Variants in ARHGAP6 observed in about 807,000 individuals in gnomAD.
ARHGAP6 encodes the protein rho GTPase-activating protein 6.
In ARHGAP6, 16 loss-of-function variants were observed where a neutral mutation model predicts 55.7. The observed-to-expected ratio is 0.29, with a 90% CI of 0.19 to 0.44. The LOEUF (loss-of-function observed/expected upper bound fraction) is 0.44, where lower values mean the gene tolerates loss of function less well. ARHGAP6 is among the 20% of genes least tolerant of loss of function. The pLI is 1.00. For missense variants in ARHGAP6, 698 were observed against 808.9 expected (o/e 0.86, Z 1.66); for synonymous variants, 382 against 360.9 (o/e 1.06, Z -0.66).
At chrX:11,575,923 G>A (rs5933901) in intron 1 of ARHGAP6, among the ~76,000 whole-genome samples, 2,192 of 112,292 alleles carry the variant, frequency 0.02, 23 homozygotes, top group Non-Finnish European at 0.029. Context: ...ATGATTTTAT[G>A]AAGTGACAGA....
At chrX:11,323,081 A>G (rs1004654111) in intron 1 of ARHGAP6, among the ~76,000 whole-genome samples, 10 of 112,461 alleles carry the variant, frequency 8.9e-5, no homozygotes, top group African/African-American at 2.6e-4. Context: ...TGTAACAATT[A>G]TTCAGGAATG....
chrX:11,301,489 G>C (rs2048174932), intron 1 of ARHGAP6, among the ~76,000 whole-genome samples: 1 of 111,537 alleles, frequency 9.0e-6, no homozygotes, highest in African/African-American at 3.3e-5. Context: ...TCTTTGCAGG[G>C]TTTATATTAC....
intron 10 of ARHGAP6, chrX:11,144,968 T>A (rs1050849520): frequency 8.9e-6 from 1 of 112,806 alleles, no homozygotes; most frequent in East Asian, 2.8e-4. Flanking sequence ...TTATCATAGT[T>A]CTGTGTTCAT....
chrX:11,357,070 T>C (rs149484685), intron 1 of ARHGAP6, among the ~76,000 whole-genome samples: 1,578 of 111,560 alleles, frequency 0.014, 43 homozygotes, highest in East Asian at 0.13. Flanking sequence ...CCTTAATCCA[T>C]TGAAACCTTT....
chrX:11,289,127 A>G (rs1443728729), intron 1 of ARHGAP6, among the ~76,000 whole-genome samples: 1 of 112,227 alleles, frequency 8.9e-6, no homozygotes, highest in African/African-American at 3.2e-5. Flanking sequence ...GACTTTTCAA[A>G]TTACAAGCTG....
At chrX:11,338,777 G>A (rs5935009) in intron 1 of ARHGAP6, among the ~76,000 whole-genome samples, 6,503 of 111,950 alleles carry the variant, frequency 0.058, 205 homozygotes, top group African/African-American at 0.12. Flanking sequence ...ATAAAGCTGA[G>A]GGGCGACTAT....
intron 1 of ARHGAP6, among the ~76,000 whole-genome samples, chrX:11,341,560 T>C (rs2048706523): frequency 8.9e-6 from 1 of 112,144 alleles, no homozygotes; most frequent in Non-Finnish European, 1.9e-5. Flanking sequence ...TGTGGGTTGA[T>C]TTCATAATAG....
At chrX:11,521,055 T>G (rs2050919602) in intron 1 of ARHGAP6, among the ~76,000 whole-genome samples, 1 of 112,116 alleles carries the variant, frequency 8.9e-6, no homozygotes, top group South Asian at 3.7e-4. Flanking sequence ...ATTCTGGATA[T>G]TAGCCCTTTG....
At chrX:11,217,830 G>GT (rs2046904405) in intron 2 of ARHGAP6, among the ~76,000 whole-genome samples, 1 of 111,860 alleles carries the variant, frequency 8.9e-6, no homozygotes, top group Non-Finnish European at 1.9e-5. Context: ...TTCTTCTAGG[G>GT]TTTTTAAGGT....
At position 11,139,412 on chromosome X, in the gene ARHGAP6, G is replaced by A. The variant is rs1394308164; in HGVS notation, c.2376C>T (p.Ser792=). The change falls in exon 13 of 13, where the codon AGC becomes AGT. Residue 792 remains serine, a synonymous_variant. Coordinates refer to ENST00000337414, the MANE Select transcript of ARHGAP6 (RefSeq NM_013427.3). ...GAGTCCTCCGAGCCCCCTGCGTGTCGCTGTCCAGCTCTGCGGGGCTCCCCT... is the reference window on the plus strand; with the variant it reads ...GAGTCCTCCGAGCCCCCTGCGTGTCACTGTCCAGCTCTGCGGGGCTCCCCT... ...RWQGSPAELD[S]DTQGARRTQA... is the part of the protein sequence containing the mutation. 8.4e-7 allele frequency: 1 copy of A among 1,189,626 alleles called. No homozygotes were observed. Among genetic ancestry groups the A allele is most frequent in the Admixed American group, 2.4e-5 (1 of 41,931 alleles).
At chrX:11,400,161 A>G (rs2049529842) in intron 1 of ARHGAP6, among the ~76,000 whole-genome samples, 1 of 111,955 alleles carries the variant, frequency 8.9e-6, no homozygotes, top group African/African-American at 3.2e-5. Flanking sequence ...TAAATGCACA[A>G]TTCTGTGAAT....
In ARHGAP6 at chrX:11,665,459, T is replaced by C. The variant is rs1481575477; in HGVS notation, c.-631A>G. ...GCCTCCGCTGGGCTGCTGCGCCCAC[T>C]CTTCCGACTGCAGAGGCTCAAGGGT... is the stretch of plus-strand genomic sequence containing the variant. On this transcript the variant is annotated 5_prime_UTR_variant, in exon 1 of 13. Coordinates refer to ENST00000337414, the MANE Select transcript of ARHGAP6 (RefSeq NM_013427.3). 1.8e-5 allele frequency: 2 copies of C among 113,633 alleles called. No individual in the cohort carries two copies. The highest frequency in any genetic ancestry group is 6.4e-5 in the African/African-American group (2 of 31,292). 9.4% of individuals were successfully genotyped at this position (113,633 alleles called of 1,213,427 possible).
chrX:11,619,922 C>T (rs1209383971), intron 1 of ARHGAP6, among the ~76,000 whole-genome samples: 2 of 111,962 alleles, frequency 1.8e-5, no homozygotes, highest in African/African-American at 3.2e-5. Flanking sequence ...CCTCCTGCTG[C>T]CCTCCTCTCC....
intron 1 of ARHGAP6, among the ~76,000 whole-genome samples, chrX:11,625,301 G>GTA (rs2052283272): frequency 9.6e-6 from 1 of 103,871 alleles, no homozygotes. Flanking sequence ...GTGTGTGTGT[G>GTA]TGTGTGTGTA....
intron 1 of ARHGAP6, among the ~76,000 whole-genome samples, chrX:11,549,086 T>C (rs891159551): frequency 8.9e-6 from 1 of 112,086 alleles, no homozygotes; most frequent in African/African-American, 3.2e-5. Context: ...CATTAAGACG[T>C]TAGGCCTAAA....
chrX:11,646,347 G>A (rs762490234), intron 1 of ARHGAP6, among the ~76,000 whole-genome samples: 16 of 111,520 alleles, frequency 1.4e-4, no homozygotes, highest in African/African-American at 4.9e-4. Context: ...CAGCATGAGA[G>A]ACAAGGGCCA....
At chrX:11,345,850 T>A (rs188439528) in intron 1 of ARHGAP6, among the ~76,000 whole-genome samples, 127 of 111,939 alleles carry the variant, frequency 1.1e-3, no homozygotes, top group African/African-American at 4.0e-3. Context: ...CTGCTTCTAC[T>A]CTCCCTAATG....
chrX:11,324,975 C>T (rs1238699636), intron 1 of ARHGAP6, among the ~76,000 whole-genome samples: 1 of 111,564 alleles, frequency 9.0e-6, no homozygotes, highest in Non-Finnish European at 1.9e-5. Flanking sequence ...TCTCCTGCCT[C>T]AGCCTCCCGA....
At chrX:11,347,257 AG>A (rs1272849468) in intron 1 of ARHGAP6, among the ~76,000 whole-genome samples, 2 of 112,275 alleles carry the variant, frequency 1.8e-5, no homozygotes, top group Non-Finnish European at 3.8e-5. Context: ...TTCTATAGGG[AG>A]TAAAGATGAT....
Sources: gnomAD v4.1 joint callset for allele counts (sites outside exome capture counted in the v4.1 genomes callset) on GRCh38, gnomAD v4.1.1 for gene constraint, MANE v1.5 for transcripts, NCBI Gene and HGNC (gene_info 2026-07-23, HGNC 2026-07-21) for gene names.